The following MRPL15 variants were observed in gnomAD, a reference collection of about 807,000 sequenced individuals.
The protein encoded by MRPL15 is large ribosomal subunit protein uL15m.
In MRPL15, 24 loss-of-function variants were observed where a neutral mutation model predicts 28.0. That is an observed-to-expected ratio of 0.86 (90% CI 0.62 to 1.21). The LOEUF (loss-of-function observed/expected upper bound fraction) is 1.21, where lower values mean the gene tolerates loss of function less well. Ranked by LOEUF, MRPL15 falls within the 50% of genes most tolerant of loss-of-function variation. The pLI, the probability that MRPL15 is intolerant of heterozygous loss-of-function variation, is 0.00. For missense variants in MRPL15, 343 were observed against 372.4 expected (o/e 0.92, Z 0.65); for synonymous variants, 124 against 137.0 (o/e 0.90, Z 0.66).
At chr8:54,136,372 A>G (rs1810827748) in intron 1 of MRPL15, 139 bp from the exon 2 acceptor site, 2 of 879,318 alleles carry the variant, frequency 2.3e-6, no homozygotes, top group Non-Finnish European at 1.7e-6. Context: ...GCTTTGAGCA[A>G]CTAGGACATG....
intron 3 of MRPL15, among the ~76,000 whole-genome samples, chr8:54,141,223 C>T (rs1046279652): frequency 6.6e-6 from 1 of 152,188 alleles, no homozygotes; most frequent in Non-Finnish European, 1.5e-5. Flanking sequence ...TGCTTTGTGA[C>T]CTTGGGCAAT....
chr8:54,139,251 G>C (rs1174675702), intron 3 of MRPL15, among the ~76,000 whole-genome samples: 1 of 151,816 alleles, frequency 6.6e-6, no homozygotes, highest in African/African-American at 2.4e-5. Context: ...CGCCTGCCTC[G>C]GCCTCCCAAA....
intron 3 of MRPL15, among the ~76,000 whole-genome samples, chr8:54,139,308 A>G (rs909462064): frequency 2.0e-5 from 3 of 152,172 alleles, no homozygotes; most frequent in Non-Finnish European, 4.4e-5. Context: ...AATTTTTTGT[A>G]CATTGTTAAT....
rs915419483 is a variant in MRPL15 at position 54,137,203 on chromosome 8, T to G, written c.264-65T>G. ...TGGAGGAAAACACAAGACAAAGCTT[T>G]GAGTTGATTTCGAGAAGTTACAGGA... On this transcript the variant is annotated intron_variant, in intron 2 of 4. Coordinates refer to ENST00000260102, the MANE Select transcript of MRPL15 (RefSeq NM_014175.4). The G allele has an allele frequency of 7.4e-6, 11 of 1,481,908 alleles. No homozygotes were observed. The Admixed American group carries it at 1.5e-4, about 21-fold the overall frequency. The allele number at this position is 1,481,908 out of a possible 1,614,324, so 91.8% of individuals were successfully genotyped here.
chr8:54,138,641 T>C (rs1810869571), intron 3 of MRPL15, among the ~76,000 whole-genome samples: 1 of 151,974 alleles, frequency 6.6e-6, no homozygotes, highest in African/African-American at 2.4e-5. Flanking sequence ...TTTGAGAGTC[T>C]TTTTAAAAGA....
chr8:54,142,953 C>T, intron 4 of MRPL15, 167 bp downstream of exon 4: 1 of 1,017,508 alleles, frequency 9.8e-7, no homozygotes, highest in Admixed American at 2.9e-5. Context: ...CTGTTGCTGA[C>T]ACATACACCA....
Sources: gnomAD v4.1 joint callset for allele counts (sites outside exome capture counted in the v4.1 genomes callset) on GRCh38, gnomAD v4.1.1 for gene constraint, MANE v1.5 for transcripts, NCBI Gene and HGNC (gene_info 2026-07-23, HGNC 2026-07-21) for gene names.